Variants in ANKRD52 observed in about 807,000 individuals in gnomAD.
The protein encoded by ANKRD52 is serine/threonine-protein phosphatase 6 regulatory ankyrin repeat subunit C.
In ANKRD52, 7 loss-of-function variants were observed where a neutral mutation model predicts 116.0. The observed-to-expected ratio is 0.06, with a 90% CI of 0.03 to 0.11. The LOEUF is 0.11. ANKRD52 is among the 10% of genes least tolerant of loss of function. The probability of loss-of-function intolerance (pLI) is 1.00; values close to 1 mark genes in which losing one functional copy is unlikely to be tolerated. For synonymous variants in ANKRD52, 528 were observed against 578.1 expected, an observed-to-expected ratio of 0.91 and a Z score of 1.24; for missense variants, 839 against 1,408.6, an observed-to-expected ratio of 0.60 and a Z score of 6.47.
rs907289848 is a variant in ANKRD52, at chr12:56,243,483, C to T, written c.2981-91G>A. On this transcript the variant is annotated intron_variant, in intron 27 of 27. Coordinates refer to ENST00000267116, the MANE Select transcript of ANKRD52 (RefSeq NM_173595.4). This position sits in a 1 kb window ranked among gnomAD's most constrained non-coding sequence, Gnocchi z 4.6. Reference sequence around the variant, plus strand: ...TGAAGTCTCTTCTCTGTGGAGGGAGCCAAGGCAGGCAGGTACCCAGCAGCG... The same window carrying T: ...TGAAGTCTCTTCTCTGTGGAGGGAGTCAAGGCAGGCAGGTACCCAGCAGCG... 2.6e-5 allele frequency: 38 copies of T among 1,487,022 alleles called. No individual in the cohort carries two copies. The highest frequency in any genetic ancestry group is 3.2e-5 in the Non-Finnish European group (35 of 1,110,420). 92.1% of individuals were successfully genotyped at this position (1,487,022 alleles called of 1,614,324 possible).
chr12:56,247,361 A>AG (rs1871460192), intron 20 of ANKRD52, 132 bp downstream of exon 20: 1 of 770,626 alleles, frequency 1.3e-6, no homozygotes, highest in East Asian at 2.7e-5. Flanking sequence ...AAAAAAAAAA[A>AG]AAAGAAAAAG....
chr12:56,249,217 C>A (rs900607408), intron 15 of ANKRD52, among the ~76,000 whole-genome samples: 1 of 152,218 alleles, frequency 6.6e-6, no homozygotes, highest in African/African-American at 2.4e-5. Flanking sequence ...GATGCTTTCT[C>A]CTCCCAGCCC....
rs867061144 is a variant in ANKRD52, at chr12:56,247,729, C to T, written c.2024G>A (p.Gly675Glu). The T allele has an allele frequency of 3.1e-6, 5 of 1,612,700 alleles. No individual in the cohort carries two copies. In the Middle Eastern group the frequency reaches 8.2e-4, roughly 266 times the overall value. The stretch of plus-strand genomic sequence containing the variant: ...GACATCTGTGATGTCAGCTCGTTCC[C>T]CACTGTCGATCAGCAAGTGCAGGGA... ...TDSLHLLIDS[G>E]ERADITDVMD... Residue 675 changes from glycine to glutamate, a missense_variant, in exon 19 of 28, where the codon GGG (glycine) becomes GAG (glutamate). Gly to Glu is a moderately conservative substitution (Grantham distance 98). This residue lies in a region of ANKRD52 where 552 missense variants were observed against 810.6 expected (regional missense o/e 0.68). Coordinates refer to ENST00000267116, the MANE Select transcript of ANKRD52 (RefSeq NM_173595.4).
rs1871125348 is a variant in ANKRD52 at position 56,240,627 on chromosome 12, G to A, written c.*2515C>T. ...TTAACATTAAAATAAATATGCAGTG[G>A]CCATGAGAATGGTCAAAATGCTTCA... On this transcript the variant is annotated 3_prime_UTR_variant, in exon 28 of 28. Transcript: ENST00000267116. The surrounding 1 kb of genome is among the most constrained non-coding windows in gnomAD (Gnocchi z 4.2). The A allele has an allele frequency of 6.6e-6, 1 of 152,188 alleles. No individual in the cohort carries two copies. Among genetic ancestry groups the A allele is most frequent in the Non-Finnish European group, 1.5e-5 (1 of 68,034 alleles). 9.4% of individuals were successfully genotyped at this position (152,188 alleles called of 1,614,324 possible).
chr12:56,244,651 C>T lies in ANKRD52; in HGVS notation c.2722+1G>A. 6.2e-7 allele frequency: 1 copy of T among 1,613,672 alleles called. No individual in the cohort carries two copies. The highest frequency in any genetic ancestry group is 8.5e-7 in the Non-Finnish European group (1 of 1,179,882). On this transcript the variant is annotated splice_donor_variant, in intron 24 of 27. Coordinates refer to ENST00000267116, the MANE Select transcript of ANKRD52 (RefSeq NM_173595.4). LOFTEE classifies it high-confidence loss of function. The surrounding 1 kb of genome is among the most constrained non-coding windows in gnomAD (Gnocchi z 4.9). ...CCCTTCCACAAGTGGCCCCTACACA[C>T]CCACAGCAGCGGTCTGCCCGTTCTC...
rs368043673 is a variant in ANKRD52, at chr12:56,254,190, G to A, written c.783C>T (p.Ala261=). Residue 261 remains alanine, a synonymous_variant, in exon 8 of 28, where the codon GCC becomes GCT. Transcript: ENST00000267116. The surrounding 1 kb of genome is among the most constrained non-coding windows in gnomAD (Gnocchi z 4.6). ...QDAVAIELVN[A]GANVNQPNDK... ...CATTCGGCTGGTTGACATTGGCTCC[G>A]GCATTCACCAGCTCAATAGCCACAG... The A allele has an allele frequency of 7.5e-5, 121 of 1,613,914 alleles. No individual in the cohort carries two copies. The highest frequency in any genetic ancestry group is 3.5e-4 in the African/African-American group (26 of 75,016).
In ANKRD52 at chr12:56,254,943, G is replaced by C. The variant is rs1871875395; in HGVS notation, c.472C>G (p.Leu158Val). 6.2e-7 allele frequency: 1 copy of C among 1,612,692 alleles called. No individual in the cohort carries two copies. Among genetic ancestry groups the C allele is most frequent in the Non-Finnish European group, 8.5e-7 (1 of 1,178,934 alleles). The change falls in exon 6 of 28, where the codon CTG becomes GTG. Residue 158 changes from leucine to valine, a missense_variant. Around this residue, in one of 2 missense-constraint regions of ANKRD52, gnomAD observed 287 missense variants for 598.1 expected, o/e 0.48. Coordinates refer to ENST00000267116, the MANE Select transcript of ANKRD52 (RefSeq NM_173595.4). The surrounding 1 kb of genome is among the most constrained non-coding windows in gnomAD (Gnocchi z 4.6). ...VHSGHLETVN[L>V]LLNKGASLNV... ...AGGCTGGCTCCCTTGTTGAGGAGCA[G>C]GTTCACCGTCTGCATCAGGATATGA...
intron 3 of ANKRD52, 60 bp from the exon 4 acceptor site, chr12:56,257,145 G>A (rs1351746356): frequency 7.6e-6 from 12 of 1,579,860 alleles, no homozygotes; most frequent in Non-Finnish European, 1.0e-5. Context: ...AAGGAAGCCA[G>A]TAATCAGGCC....
rs776589395 is a variant in ANKRD52 at position 56,245,196 on chromosome 12, C to T, written c.2405-6G>A. 1.9e-5 allele frequency: 30 copies of T among 1,613,834 alleles called. No individual in the cohort carries two copies. The highest frequency in any genetic ancestry group is 1.7e-6 in the Non-Finnish European group (2 of 1,179,878). ...CTCCAGACAATCTTCATGTCCTGGG[C>T]ACGAGGAAGGAAGAGTAGTGATGGA... On this transcript the variant is annotated splice_polypyrimidine_tract_variant and splice_region_variant and intron_variant, in intron 21 of 27. Coordinates refer to ENST00000267116, the MANE Select transcript of ANKRD52 (RefSeq NM_173595.4).
In ANKRD52 at chr12:56,252,053, G is replaced by A. The variant is rs759990677; in HGVS notation, c.1554C>T (p.Asp518=). The change falls in exon 15 of 28, where the codon GAC becomes GAT. Residue 518 remains aspartate, a synonymous_variant. Transcript: ENST00000267116. The surrounding 1 kb of genome is among the most constrained non-coding windows in gnomAD (Gnocchi z 4.7). The part of the protein sequence containing the change: ...HTPSSHDAEE[D]EPLKESRRKE... ...TCCTGCGGGACTCCTTCAGTGGCTC[G>A]TCCTCTTCGGCATCATGGCTGGAAG... The A allele has an allele frequency of 1.1e-5, 18 of 1,605,456 alleles. No individual in the cohort carries two copies. Among genetic ancestry groups the A allele is most frequent in the African/African-American group, 2.7e-5 (2 of 74,548 alleles).
At chr12:56,250,492 T>C (rs1342520450) in intron 15 of ANKRD52, among the ~76,000 whole-genome samples, 1 of 151,578 alleles carries the variant, frequency 6.6e-6, no homozygotes, top group African/African-American at 2.4e-5. Flanking sequence ...TCCTCTTGCC[T>C]TACCTGCACC....
Position 56,258,307 on chromosome 12 carries a change from G to A in ANKRD52, c.-38C>T, listed in dbSNP as rs766295267. 4 of 1,522,974 alleles carry A rather than the reference G, an allele frequency of 2.6e-6. No homozygotes were observed. In the South Asian group the frequency reaches 3.7e-5, roughly 14 times the overall value. The allele number at this position is 1,522,974 out of a possible 1,614,324, so 94.3% of individuals were successfully genotyped here. ...GCTCCGTCCGCATCGAGCTCCCGGCGGCGGCGGCGGCGGCTCCACCGGGGA... is the reference window on the plus strand; with the variant it reads ...GCTCCGTCCGCATCGAGCTCCCGGCAGCGGCGGCGGCGGCTCCACCGGGGA... On this transcript the variant is annotated 5_prime_UTR_variant, in exon 1 of 28. Transcript: ENST00000267116.
chr12:56,245,706 G>GTTT, intron 20 of ANKRD52, 110 bp from the exon 21 acceptor site: 2 of 532,456 alleles, frequency 3.8e-6, no homozygotes, highest in Non-Finnish European at 6.1e-6. Context: ...TCCAATCCTT[G>GTTT]TCTTTTTTTT....
At position 56,238,946 on chromosome 12, in the gene ANKRD52, C is replaced by G. The variant is rs951613784; in HGVS notation, c.*4196G>C. 1 of 152,298 alleles carries G rather than the reference C, an allele frequency of 6.6e-6. No homozygotes were observed. The highest frequency in any genetic ancestry group is 1.5e-5 in the Non-Finnish European group (1 of 68,102). 9.4% of individuals were successfully genotyped at this position (152,298 alleles called of 1,614,324 possible). On this transcript the variant is annotated 3_prime_UTR_variant, in exon 28 of 28. Coordinates refer to ENST00000267116, the MANE Select transcript of ANKRD52 (RefSeq NM_173595.4). ...TGAGAGGTGGAGAAGGGAGGGAAGG[C>G]GGTCCCCAACTTCCCTGGGGGCAAA... is the stretch of plus-strand genomic sequence containing the variant.
chr12:56,255,353 G>C lies in ANKRD52; in HGVS notation c.463-401C>G, dbSNP rs890827278. Among the ~76,000 whole-genome samples, 1 of 152,102 alleles carries C rather than the reference G, an allele frequency of 6.6e-6. No homozygotes were observed. Among genetic ancestry groups the C allele is most frequent in the Admixed American group, 6.6e-5 (1 of 15,262 alleles). ...CTACAGGCGGCCGCCACCACACCCGGCTAATTTTTTGTATTTTTAGTAGAG... is the reference window on the plus strand; with the variant it reads ...CTACAGGCGGCCGCCACCACACCCGCCTAATTTTTTGTATTTTTAGTAGAG... On this transcript the variant is annotated intron_variant, in intron 5 of 27. Coordinates refer to ENST00000267116, the MANE Select transcript of ANKRD52 (RefSeq NM_173595.4). This position sits in a 1 kb window ranked among gnomAD's most constrained non-coding sequence, Gnocchi z 4.3.
rs779421776 is a variant in ANKRD52, at chr12:56,245,356, G to A, written c.2404+21C>T. 6 of 1,606,850 alleles carry A rather than the reference G, an allele frequency of 3.7e-6. No homozygotes were observed. The Admixed American group carries it at 1.0e-4, about 27-fold the overall frequency. On this transcript the variant is annotated intron_variant, in intron 21 of 27. Coordinates refer to ENST00000267116, the MANE Select transcript of ANKRD52 (RefSeq NM_173595.4). ...CACTCCAACACATGCTCCTGTGCCT[G>A]TGGAGGCCCCAGTCTAGTACCAGTG... is the stretch of plus-strand genomic sequence containing the variant.
Position 56,254,349 on chromosome 12 carries a change from C to T in ANKRD52, c.694-70G>A. 2 of 1,531,144 alleles carry T rather than the reference C, an allele frequency of 1.3e-6. No individual in the cohort carries two copies. Among genetic ancestry groups the T allele is most frequent in the Non-Finnish European group, 1.8e-6 (2 of 1,118,576 alleles). The allele number at this position is 1,531,144 out of a possible 1,614,324, so 94.8% of individuals were successfully genotyped here. ...AGTAGAAGCCAGCACATGTAGCCTC[C>T]AGATCCCAGAAATCCAACGACTGCC... On this transcript the variant is annotated intron_variant, in intron 7 of 27. Transcript: ENST00000267116. The surrounding 1 kb of genome is among the most constrained non-coding windows in gnomAD (Gnocchi z 4.6).
intron 4 of ANKRD52, among the ~76,000 whole-genome samples, chr12:56,256,488 C>T (rs1337747635): frequency 6.6e-6 from 1 of 152,194 alleles, no homozygotes; most frequent in African/African-American, 2.4e-5. Flanking sequence ...CCACCTCATT[C>T]CCACTGGCCT....
In ANKRD52 at chr12:56,239,991, G is replaced by C. The variant is rs1357794507; in HGVS notation, c.*3151C>G. 1 of 152,256 alleles carries C rather than the reference G, an allele frequency of 6.6e-6. No homozygotes were observed. The highest frequency in any genetic ancestry group is 2.4e-5 in the African/African-American group (1 of 41,440). The allele number at this position is 152,256 out of a possible 1,614,324, so 9.4% of individuals were successfully genotyped here. On this transcript the variant is annotated 3_prime_UTR_variant, in exon 28 of 28. Transcript: ENST00000267116. ...AGAAACACATCTACGTGGGGTGGCA[G>C]TCCCTCAGTCTTTTCTCTCCCACGC...
Sources: allele counts gnomAD v4.1 joint callset (sites outside exome capture counted in the v4.1 genomes callset), GRCh38; gene constraint gnomAD v4.1.1; regional missense constraint gnomAD v4.1.1; non-coding constraint Gnocchi (gnomAD v3.1); transcripts MANE v1.5; gene names NCBI Gene and HGNC (gene_info 2026-07-23, HGNC 2026-07-21).